CSNK1D: variants seen among roughly 807,000 people sequenced by gnomAD.
The protein encoded by CSNK1D is casein kinase I isoform delta.
Under a neutral mutation model 46.6 loss-of-function variants are expected in CSNK1D, and 16 were observed. The observed-to-expected ratio is 0.34, with a 90% CI of 0.23 to 0.52. The LOEUF is 0.52. CSNK1D is among the 20% of genes least tolerant of loss of function. CSNK1D has a pLI of 0.95. For missense variants in CSNK1D, 398 were observed against 578.4 expected, an observed-to-expected ratio of 0.69 and a Z score of 3.20; for synonymous variants, 276 against 228.2, an observed-to-expected ratio of 1.21 and a Z score of -1.89.
chr17:82,265,502 G>C, intron 2 of CSNK1D, 184 bp downstream of exon 2: 1 of 637,700 alleles, frequency 1.6e-6, no homozygotes. Flanking sequence ...TTTGTGTTGA[G>C]GGAGGGTCTC....
Position 82,252,712 on chromosome 17 carries a change from A to C in CSNK1D, c.566-108T>G. Reference sequence around the variant, plus strand: ...AGACTAGCCTCAGACACACATGCCCAGATCACTCCAGCTGGCACTTCCAGT... The same window carrying C: ...AGACTAGCCTCAGACACACATGCCCCGATCACTCCAGCTGGCACTTCCAGT... On this transcript the variant is annotated intron_variant, in intron 4 of 8. Transcript: ENST00000314028. The surrounding 1 kb of genome is among the most constrained non-coding windows in gnomAD (Gnocchi z 4.6). 1 of 1,150,738 alleles carries C rather than the reference A, an allele frequency of 8.7e-7. No homozygotes were observed. Among genetic ancestry groups the C allele is most frequent in the Non-Finnish European group, 1.3e-6 (1 of 793,426 alleles). 71.3% of individuals were successfully genotyped at this position (1,150,738 alleles called of 1,614,324 possible).
rs1045018072 is a variant in CSNK1D, at chr17:82,244,664, G to A, written c.*117C>T. The stretch of plus-strand genomic sequence containing the variant: ...AGCGTCGCTGGGTGAGTGGCCTGGA[G>A]AGCTCCCGGTGTTAACATTTCGATC... On this transcript the variant is annotated 3_prime_UTR_variant, in exon 9 of 9. Coordinates refer to ENST00000314028, the MANE Select transcript of CSNK1D (RefSeq NM_001893.6). 6.4e-7 allele frequency: 1 copy of A among 1,573,766 alleles called. No individual in the cohort carries two copies. The highest frequency in any genetic ancestry group is 8.6e-7 in the Non-Finnish European group (1 of 1,164,918).
At chr17:82,263,995 C>G (rs2051404584) in intron 2 of CSNK1D, among the ~76,000 whole-genome samples, 1 of 152,194 alleles carries the variant, frequency 6.6e-6, no homozygotes, top group Admixed American at 6.5e-5. Context: ...ACTGGGTGCC[C>G]CTCTCTGTAA....
chr17:82,252,631 GA>G lies in CSNK1D; in HGVS notation c.566-28del. ...TGAAAAGAAAAGGGAAAGGCGTGAA[GA>G]ACGGCACTTGCGTGCTCACGTCAAA... On this transcript the variant is annotated intron_variant, in intron 4 of 8. Coordinates refer to ENST00000314028, the MANE Select transcript of CSNK1D (RefSeq NM_001893.6). The surrounding 1 kb of genome is among the most constrained non-coding windows in gnomAD (Gnocchi z 4.6). 1 of 1,610,108 alleles carries G rather than the reference GA, an allele frequency of 6.2e-7. No homozygotes were observed. Among genetic ancestry groups the G allele is most frequent in the Non-Finnish European group, 8.5e-7 (1 of 1,178,972 alleles).
At position 82,244,044 on chromosome 17, in the gene CSNK1D, G is replaced by A. The variant is rs543894652; in HGVS notation, c.*737C>T. ...CCTGCGGTCCCTAACTGCTCTCCGA[G>A]GGCCTCAAGAGTTCCTGACAGCAGG... On this transcript the variant is annotated 3_prime_UTR_variant, in exon 9 of 9. Transcript: ENST00000314028. 1 of 988,598 alleles carries A rather than the reference G, an allele frequency of 1.0e-6. No homozygotes were observed. Among genetic ancestry groups the A allele is most frequent in the South Asian group, 4.6e-5 (1 of 21,738 alleles). 61.2% of individuals were successfully genotyped at this position (988,598 alleles called of 1,614,324 possible). A position where few individuals can be genotyped will look rare whatever the true frequency, so the allele number is the denominator to read the frequency against.
chr17:82,252,874 G>C lies in CSNK1D; in HGVS notation c.565+142C>G. On this transcript the variant is annotated intron_variant, in intron 4 of 8. Transcript: ENST00000314028. This position sits in a 1 kb window ranked among gnomAD's most constrained non-coding sequence, Gnocchi z 4.6. ...TCCGCCTGCCCCCATACACCTGGCAGTCACGAGCCAGCCTGTCTGCCGCAA... is the reference window on the plus strand; with the variant it reads ...TCCGCCTGCCCCCATACACCTGGCACTCACGAGCCAGCCTGTCTGCCGCAA... 1 of 831,204 alleles carries C rather than the reference G, an allele frequency of 1.2e-6. No individual in the cohort carries two copies. The highest frequency in any genetic ancestry group is 1.4e-5 in the South Asian group (1 of 69,694). 51.5% of individuals were successfully genotyped at this position (831,204 alleles called of 1,614,324 possible). A position where few individuals can be genotyped will look rare whatever the true frequency, so the allele number is the denominator to read the frequency against.
intron 8 of CSNK1D, chr17:82,245,441 AAC>A (rs535304787): frequency 4.8e-6 from 1 of 209,538 alleles, no homozygotes; most frequent in South Asian, 7.1e-5. Context: ...TGTGAAAAGA[AAC>A]ACAAAACAAG....
rs893045221 is a variant in CSNK1D at position 82,257,542 on chromosome 17, AC to A, written c.188-1966del. ...AACTAAGGGAAAGAACAAAACACAC[AC>A]CCTCACACATCACAGGGTGGTTTCC... On this transcript the variant is annotated intron_variant, in intron 2 of 8. Coordinates refer to ENST00000314028, the MANE Select transcript of CSNK1D (RefSeq NM_001893.6). Among the ~76,000 whole-genome samples, 10 of 152,208 alleles carry A rather than the reference AC, an allele frequency of 6.6e-5. No homozygotes were observed. In the East Asian group the frequency reaches 1.7e-3, roughly 26 times the overall value.
intron 1 of CSNK1D, among the ~76,000 whole-genome samples, chr17:82,268,684 C>G (rs532776537): frequency 6.6e-6 from 1 of 152,326 alleles, no homozygotes; most frequent in Admixed American, 6.5e-5. Context: ...CAACTCTTCC[C>G]TGCAGCTCAA....
Position 82,273,385 on chromosome 17 carries a change from G to C in CSNK1D, c.-4C>G. 4 of 1,610,814 alleles carry C rather than the reference G, an allele frequency of 2.5e-6. No individual in the cohort carries two copies. The highest frequency in any genetic ancestry group is 3.4e-6 in the Non-Finnish European group (4 of 1,179,376). On this transcript the variant is annotated 5_prime_UTR_variant, in exon 1 of 9. Transcript: ENST00000314028. The surrounding 1 kb of genome is among the most constrained non-coding windows in gnomAD (Gnocchi z 5.1). The stretch of plus-strand genomic sequence containing the variant: ...TGTTCCCGACTCTCAGCTCCATGGC[G>C]GCGGCGGCCCGATTCGCTCCTGCCC...
chr17:82,272,758 C>T (rs1386336251), intron 1 of CSNK1D, among the ~76,000 whole-genome samples: 1 of 152,220 alleles, frequency 6.6e-6, no homozygotes, highest in Non-Finnish European at 1.5e-5. Flanking sequence ...ACCGGGGCAG[C>T]CTCTGAGGGG....
Position 82,242,858 on chromosome 17 carries a change from GA to G in CSNK1D, c.*1922del. On this transcript the variant is annotated 3_prime_UTR_variant, in exon 9 of 9. Coordinates refer to ENST00000314028, the MANE Select transcript of CSNK1D (RefSeq NM_001893.6). ...ACTGTCACAAGCACTCCGAAGACGC[GA>G]CCCGGCGAGGCTCGGGCTGGAACCC... 1.0e-6 allele frequency: 1 copy of G among 985,366 alleles called. No individual in the cohort carries two copies. The highest frequency in any genetic ancestry group is 1.2e-6 in the Non-Finnish European group (1 of 829,912). 61.0% of individuals were successfully genotyped at this position (985,366 alleles called of 1,614,324 possible). A position where few individuals can be genotyped will look rare whatever the true frequency, so the allele number is the denominator to read the frequency against.
intron 3 of CSNK1D, 32 bp from the exon 4 acceptor site, chr17:82,253,276 C>G: frequency 6.4e-7 from 1 of 1,568,258 alleles, no homozygotes; most frequent in Non-Finnish European, 8.8e-7. Flanking sequence ...GAGATGGCAC[C>G]CCAGGGCAGT....
Position 82,248,632 on chromosome 17 carries a change from G to A in CSNK1D, c.1197+243C>T. On this transcript the variant is annotated intron_variant, in intron 8 of 8. Transcript: ENST00000314028. The surrounding 1 kb of genome is among the most constrained non-coding windows in gnomAD (Gnocchi z 4.1). The stretch of plus-strand genomic sequence containing the variant: ...AGCCCCCACGGTTTGCTGGCCTCAG[G>A]GACCTGAGACCTGAGACTGGCCACC... 1 of 1,369,222 alleles carries A rather than the reference G, an allele frequency of 7.3e-7. No homozygotes were observed. The highest frequency in any genetic ancestry group is 9.4e-7 in the Non-Finnish European group (1 of 1,058,522). 84.8% of individuals were successfully genotyped at this position (1,369,222 alleles called of 1,614,324 possible).
intron 8 of CSNK1D, chr17:82,245,606 G>A (rs190605172): frequency 2.5e-5 from 8 of 324,092 alleles, no homozygotes; most frequent in East Asian, 8.0e-5. Flanking sequence ...CTCCAGGCAC[G>A]GCCGACCGCA....
rs779082107 is a variant in CSNK1D at position 82,248,935 on chromosome 17, G to A, written c.1137C>T (p.Val379=). The change falls in exon 8 of 9, where the codon GTC becomes GTT. Residue 379 remains valine, a synonymous_variant. Transcript: ENST00000314028. The surrounding 1 kb of genome is among the most constrained non-coding windows in gnomAD (Gnocchi z 4.1). The part of the protein sequence containing the change: ...VSMRLHRGAP[V]NISSSDLTGR... ...CTGTGAGGTCGGACGAGGAGATGTT[G>A]ACGGGGGCCCCGCGGTGCAGCCGCA... is the stretch of plus-strand genomic sequence containing the variant. 142 of 1,606,360 alleles carry A rather than the reference G, an allele frequency of 8.8e-5. No homozygotes were observed. Among genetic ancestry groups the A allele is most frequent in the Non-Finnish European group, 1.2e-4 (137 of 1,175,988 alleles).
At chr17:82,270,872 C>A (rs2051603893) in intron 1 of CSNK1D, among the ~76,000 whole-genome samples, 1 of 152,208 alleles carries the variant, frequency 6.6e-6, no homozygotes, top group African/African-American at 2.4e-5. Flanking sequence ...CAGCCGCCCG[C>A]AATCCCGTAT....
Position 82,265,800 on chromosome 17 carries a change from G to A in CSNK1D, c.77-4C>T. ...TCTCCTGCAGCAATGTCCGTACCTT[G>A]GCAAAGAAAGAAAACCACAACAGGA... On this transcript the variant is annotated splice_polypyrimidine_tract_variant and splice_region_variant and intron_variant, in intron 1 of 8. Transcript: ENST00000314028. 1 of 1,612,318 alleles carries A rather than the reference G, an allele frequency of 6.2e-7. No homozygotes were observed. The highest frequency in any genetic ancestry group is 1.1e-5 in the South Asian group (1 of 91,036).
chr17:82,246,579 AAC>A (rs2050855424), intron 8 of CSNK1D: 1 of 1,027,248 alleles, frequency 9.7e-7, no homozygotes, highest in Non-Finnish European at 1.2e-6. Context: ...GCCGAACACC[AAC>A]AGCCCGAAAA....
Sources: gnomAD v4.1 joint callset for allele counts (sites outside exome capture counted in the v4.1 genomes callset) on GRCh38, gnomAD v4.1.1 for gene constraint, Gnocchi (gnomAD v3.1) non-coding constraint, MANE v1.5 for transcripts, NCBI Gene and HGNC (gene_info 2026-07-23, HGNC 2026-07-21) for gene names.